Variants in CNTNAP2 observed in about 807,000 individuals in gnomAD.
The protein encoded by CNTNAP2 is contactin associated protein 2.
Under a neutral mutation model 155.2 loss-of-function variants are expected in CNTNAP2, and 98 were observed. That is an observed-to-expected ratio of 0.63 (90% CI 0.54 to 0.75). The LOEUF is 0.75. CNTNAP2 is among the 30% of genes least tolerant of loss of function. CNTNAP2 has a pLI of 0.00. For missense variants in CNTNAP2, 1,727 were observed against 1,688.1 expected, an observed-to-expected ratio of 1.02 and a Z score of -0.40; for synonymous variants, 651 against 631.2, an observed-to-expected ratio of 1.03 and a Z score of -0.47.
intron 1 of CNTNAP2, among the ~76,000 whole-genome samples, chr7:146,437,882 T>C (rs529198798): frequency 2.5e-5 from 1 of 39,798 alleles, no homozygotes; most frequent in Non-Finnish European, 4.3e-5. Flanking sequence ...CCCAATCTCG[T>C]TTTTTTTTTT....
chr7:147,995,411 A>G (rs1284925647), intron 15 of CNTNAP2, among the ~76,000 whole-genome samples: 1 of 152,096 alleles, frequency 6.6e-6, no homozygotes, highest in African/African-American at 2.4e-5. Flanking sequence ...CTTCCATAGA[A>G]GTATTAAGAA....
intron 10 of CNTNAP2, among the ~76,000 whole-genome samples, chr7:147,454,099 G>A (rs542156142): frequency 6.6e-6 from 1 of 152,180 alleles, no homozygotes; most frequent in South Asian, 2.1e-4. Flanking sequence ...GTGAATTTTT[G>A]GTGTGTTCTT....
At chr7:148,020,158 G>A (rs1802255602) in intron 15 of CNTNAP2, among the ~76,000 whole-genome samples, 2 of 152,162 alleles carry the variant, frequency 1.3e-5, no homozygotes, top group Admixed American at 1.3e-4. Context: ...CCATGTAATT[G>A]AGGCATACCT....
chr7:147,098,445 TTTTG>T (rs1800589202), intron 4 of CNTNAP2, among the ~76,000 whole-genome samples: 1 of 152,294 alleles, frequency 6.6e-6, no homozygotes, highest in East Asian at 1.9e-4. Context: ...CTGTATTGTT[TTTTG>T]TTTGTTTTTT....
Position 148,023,344 on chromosome 7 carries a change from A to G in CNTNAP2, c.2383+45355A>G, listed in dbSNP as rs141054487. On this transcript the variant is annotated intron_variant, in intron 15 of 23. Transcript: ENST00000361727. ...AATTTTTAGCCCAGAAAGCAAGCTC[A>G]TGTGTGCCGGAGTGATTAATGATAC... Among the ~76,000 whole-genome samples the G allele has an allele frequency of 1.1e-3, 164 of 152,338 alleles. 1 individual carries two copies. The highest frequency in any genetic ancestry group is 3.7e-3 in the African/African-American group (153 of 41,578).
chr7:147,363,278 C>T (rs552748634), intron 9 of CNTNAP2, among the ~76,000 whole-genome samples: 1 of 152,302 alleles, frequency 6.6e-6, no homozygotes, highest in East Asian at 1.9e-4. Context: ...AATGCAGGCC[C>T]TCTCCTGACA....
At position 146,374,068 on chromosome 7, in the gene CNTNAP2, G is replaced by A. The variant is rs141743063; in HGVS notation, c.97+257095G>A. On this transcript the variant is annotated intron_variant, in intron 1 of 23. Coordinates refer to ENST00000361727, the MANE Select transcript of CNTNAP2 (RefSeq NM_014141.6). The stretch of plus-strand genomic sequence containing the variant: ...GAAGGTATATGAAATAGTTGAAGTT[G>A]TTGCCTTTGGGAAGCAAAATAGACA... Among the ~76,000 whole-genome samples, 329 of 152,208 alleles carry A rather than the reference G, an allele frequency of 2.2e-3. 1 individual carries two copies. The highest frequency in any genetic ancestry group is 4.2e-3 in the Admixed American group (65 of 15,296).
intron 1 of CNTNAP2, among the ~76,000 whole-genome samples, chr7:146,288,822 T>G (rs919764266): frequency 7.3e-6 from 1 of 136,116 alleles, no homozygotes; most frequent in South Asian, 2.2e-4. Context: ...TTTTTTTTTT[T>G]GAGACAGAAT....
chr7:147,533,715 A>G (rs1309242649), intron 11 of CNTNAP2, among the ~76,000 whole-genome samples: 1 of 151,948 alleles, frequency 6.6e-6, no homozygotes, highest in Non-Finnish European at 1.5e-5. Context: ...CATCTCAAAA[A>G]AAAAAAAAGC....
intron 1 of CNTNAP2, among the ~76,000 whole-genome samples, chr7:146,235,724 G>C (rs867575008): frequency 6.6e-6 from 1 of 152,086 alleles, no homozygotes; most frequent in Non-Finnish European, 1.5e-5. Flanking sequence ...CCCGTTGGAA[G>C]TCAGGAGTGC....
At chr7:148,128,597 C>A (rs905081201) in intron 16 of CNTNAP2, among the ~76,000 whole-genome samples, 26 of 152,136 alleles carry the variant, frequency 1.7e-4, no homozygotes, top group Admixed American at 8.5e-4. Context: ...ATCCAGATTT[C>A]TTTGCCAATT....
intron 1 of CNTNAP2, among the ~76,000 whole-genome samples, chr7:146,624,723 T>C (rs1799391322): frequency 6.6e-6 from 1 of 151,964 alleles, no homozygotes; most frequent in Non-Finnish European, 1.5e-5. Context: ...TTCCTTGCCA[T>C]ATAAGTTTTA....
chr7:147,296,921 A>C (rs1231959980), intron 8 of CNTNAP2, among the ~76,000 whole-genome samples: 4 of 152,150 alleles, frequency 2.6e-5, no homozygotes, highest in Non-Finnish European at 5.9e-5. Flanking sequence ...CATCATTGGA[A>C]GCCATTGAAA....
At chr7:147,157,170 A>G (rs1452204143) in intron 8 of CNTNAP2, among the ~76,000 whole-genome samples, 1 of 152,062 alleles carries the variant, frequency 6.6e-6, no homozygotes, top group Non-Finnish European at 1.5e-5. Flanking sequence ...AAAGCTCTCC[A>G]TGACACCCTC....
At chr7:148,331,375 G>GGA (rs1798006346) in intron 21 of CNTNAP2, among the ~76,000 whole-genome samples, 2 of 61,210 alleles carry the variant, frequency 3.3e-5, no homozygotes, top group Admixed American at 1.7e-4. Flanking sequence ...GAGGGATGGA[G>GGA]TGGATGGAGT....
chr7:146,159,061 G>A (rs943383378), intron 1 of CNTNAP2, among the ~76,000 whole-genome samples: 2 of 152,216 alleles, frequency 1.3e-5, no homozygotes, highest in Non-Finnish European at 2.9e-5. Flanking sequence ...AACTCTACAA[G>A]CCAGAAGGGA....
intron 13 of CNTNAP2, among the ~76,000 whole-genome samples, chr7:147,856,886 A>G (rs1799048701): frequency 6.6e-6 from 1 of 152,152 alleles, no homozygotes; most frequent in Non-Finnish European, 1.5e-5. Flanking sequence ...TACAGATTTG[A>G]GTGTACCCCT....
intron 14 of CNTNAP2, among the ~76,000 whole-genome samples, chr7:147,964,978 T>C (rs1801180246): frequency 6.6e-6 from 1 of 152,208 alleles, no homozygotes; most frequent in Admixed American, 6.5e-5. Flanking sequence ...ATCTAGTTAA[T>C]TCCTCTTTCA....
At chr7:147,818,569 G>A (rs1409134294) in intron 13 of CNTNAP2, among the ~76,000 whole-genome samples, 4 of 152,142 alleles carry the variant, frequency 2.6e-5, no homozygotes, top group Admixed American at 2.6e-4. Flanking sequence ...GTTGGGAGAT[G>A]CAGACAGCAG....
Sources: gnomAD v4.1 joint callset for allele counts (sites outside exome capture counted in the v4.1 genomes callset) on GRCh38, gnomAD v4.1.1 for gene constraint, MANE v1.5 for transcripts, NCBI Gene and HGNC (gene_info 2026-07-23, HGNC 2026-07-21) for gene names.